DIAPH2: variants seen among roughly 807,000 people sequenced by gnomAD.
The protein encoded by DIAPH2 is diaphanous related formin 2, also known as protein diaphanous homolog 2.
Under a neutral mutation model 92.7 loss-of-function variants are expected in DIAPH2, and 35 were observed. That is an observed-to-expected ratio of 0.38 (90% confidence interval 0.29 to 0.50). DIAPH2 has a LOEUF of 0.50. Ranked by LOEUF, DIAPH2 falls within the 20% of genes least tolerant of loss-of-function variation. DIAPH2 has a pLI of 0.94. For missense variants in DIAPH2, 701 were observed against 819.5 expected (o/e 0.86, Z 1.77); for synonymous variants, 301 against 280.4 (o/e 1.07, Z -0.73).
intron 23 of DIAPH2, among the ~76,000 whole-genome samples, chrX:97,253,088 A>G (rs1411880065): frequency 9.1e-6 from 1 of 110,401 alleles, no homozygotes; most frequent in Non-Finnish European, 1.9e-5. Context: ...CAGGAGTTCA[A>G]GACCAGCCTG....
chrX:96,849,252 G>T (rs761492863), intron 4 of DIAPH2, among the ~76,000 whole-genome samples: 2 of 111,557 alleles, frequency 1.8e-5, no homozygotes, highest in Admixed American at 1.9e-4. Context: ...TGCAACCTCC[G>T]CCTCCCAGGT....
At chrX:96,809,506 C>T (rs1260377893) in intron 4 of DIAPH2, among the ~76,000 whole-genome samples, 3 of 105,074 alleles carry the variant, frequency 2.9e-5, no homozygotes, top group Non-Finnish European at 4.0e-5. Context: ...CTTTTTTTTT[C>T]TTTCTTTCTT....
chrX:97,370,245 T>TCA (rs748014137), intron 24 of DIAPH2, among the ~76,000 whole-genome samples: 8 of 111,640 alleles, frequency 7.2e-5, no homozygotes, highest in Non-Finnish European at 1.5e-4. Context: ...GTCCCTCTCA[T>TCA]CACCCAAAGG....
At chrX:97,239,781 T>G (rs2068076601) in intron 22 of DIAPH2, among the ~76,000 whole-genome samples, 1 of 109,760 alleles carries the variant, frequency 9.1e-6, no homozygotes, top group South Asian at 4.0e-4. Context: ...CTCTGGTACT[T>G]AAATATTCTT....
chrX:96,925,096 A>G (rs1052744152), intron 9 of DIAPH2, among the ~76,000 whole-genome samples: 1 of 110,900 alleles, frequency 9.0e-6, no homozygotes, highest in Non-Finnish European at 1.9e-5. Flanking sequence ...GGGCAATCGC[A>G]TCTATCCTCA....
chrX:97,370,012 C>T (rs1331262718), intron 24 of DIAPH2, among the ~76,000 whole-genome samples: 1 of 111,327 alleles, frequency 9.0e-6, no homozygotes, highest in Non-Finnish European at 1.9e-5. Flanking sequence ...GACTAACCCT[C>T]TAGTGCTTCT....
At chrX:96,694,515 A>G (rs2063814951) in intron 1 of DIAPH2, among the ~76,000 whole-genome samples, 1 of 110,392 alleles carries the variant, frequency 9.1e-6, no homozygotes, top group African/African-American at 3.3e-5. Context: ...TAATTTTTGT[A>G]TTTTTAGTAG....
intron 26 of DIAPH2, among the ~76,000 whole-genome samples, chrX:97,506,957 A>C (rs2070839392): frequency 9.0e-6 from 1 of 111,233 alleles, no homozygotes. Flanking sequence ...GGCCAAATCC[A>C]GCCCATGGAC....
intron 2 of DIAPH2, among the ~76,000 whole-genome samples, chrX:96,737,172 T>A: frequency 9.0e-6 from 1 of 111,414 alleles, no homozygotes; most frequent in Admixed American, 9.6e-5. Context: ...AGGGGATTGG[T>A]TTAGATTATT....
At chrX:96,976,511 T>C (rs1251366789) in intron 17 of DIAPH2, among the ~76,000 whole-genome samples, 1 of 111,356 alleles carries the variant, frequency 9.0e-6, no homozygotes, top group African/African-American at 3.3e-5. Context: ...CAAAGTGTTT[T>C]TTTTTTCATT....
intron 26 of DIAPH2, among the ~76,000 whole-genome samples, chrX:97,531,200 T>C (rs965789524): frequency 8.9e-6 from 1 of 111,897 alleles, no homozygotes; most frequent in Non-Finnish European, 1.9e-5. Context: ...TTGTTCTCCT[T>C]CCGTCTTCCC....
chrX:97,164,299 T>G (rs947712993), intron 22 of DIAPH2, among the ~76,000 whole-genome samples: 6 of 111,881 alleles, frequency 5.4e-5, no homozygotes, highest in Non-Finnish European at 1.1e-4. Flanking sequence ...CTGAAGTACC[T>G]TGTTCTGACA....
chrX:97,511,068 G>A (rs1184771749), intron 26 of DIAPH2, among the ~76,000 whole-genome samples: 2 of 104,945 alleles, frequency 1.9e-5, no homozygotes, highest in African/African-American at 6.9e-5. Context: ...TAGCTTGATG[G>A]GGATGGCATT....
chrX:96,848,753 A>G (rs2064988783), intron 4 of DIAPH2, among the ~76,000 whole-genome samples: 1 of 112,418 alleles, frequency 8.9e-6, no homozygotes, highest in Non-Finnish European at 1.9e-5. Flanking sequence ...TCATGTCTGC[A>G]TTACTGATGT....
chrX:97,120,286 A>G (rs1051237724), intron 21 of DIAPH2, among the ~76,000 whole-genome samples: 10 of 110,193 alleles, frequency 9.1e-5, no homozygotes, highest in Non-Finnish European at 1.9e-4. Flanking sequence ...GTAAGGTTGG[A>G]AACTTCTCCC....
At chrX:97,025,658 AAAACAAAC>A (rs747250452) in intron 17 of DIAPH2, among the ~76,000 whole-genome samples, 23 of 111,197 alleles carry the variant, frequency 2.1e-4, no homozygotes, top group Non-Finnish European at 4.2e-4. Flanking sequence ...TCTCAAAAAC[AAAACAAAC>A]AAACAAACAA....
chrX:97,278,396 G>T (rs2068469418), intron 23 of DIAPH2, among the ~76,000 whole-genome samples: 1 of 111,176 alleles, frequency 9.0e-6, no homozygotes, highest in African/African-American at 3.3e-5. Context: ...TATGGGTTTT[G>T]ACAAATGTAT....
chrX:96,727,220 T>C lies in DIAPH2; in HGVS notation c.133-8538T>C, dbSNP rs183522644. 3.6e-4 allele frequency among the ~76,000 whole-genome samples: 41 copies of C among 112,457 alleles called. 1 individual carries two copies. The highest frequency in any genetic ancestry group is 6.0e-4 in the Non-Finnish European group (32 of 53,328). On this transcript the variant is annotated intron_variant, in intron 1 of 26. Transcript: ENST00000324765. ...ACCTAGCATATTCCTTTCTAAAACA[T>C]GAAACATGCTGAGTTCCAAGACGTG...
chrX:97,305,824 C>CAAAAAA (rs754094514), intron 23 of DIAPH2, among the ~76,000 whole-genome samples: 1 of 49,223 alleles, frequency 2.0e-5, no homozygotes, highest in African/African-American at 7.4e-5. Flanking sequence ...ACTCCTTCTC[C>CAAAAAA]AAAAAAAAAA....
Sources: gnomAD v4.1 joint callset for allele counts (sites outside exome capture counted in the v4.1 genomes callset) on GRCh38, gnomAD v4.1.1 for gene constraint, MANE v1.5 for transcripts, NCBI Gene and HGNC (gene_info 2026-07-23, HGNC 2026-07-21) for gene names.